MCF2L: variants seen among roughly 807,000 people sequenced by gnomAD.
MCF2L encodes guanine nucleotide exchange factor DBS.
A neutral mutation model predicts 153.4 loss-of-function variants in MCF2L; 97 were observed. The observed-to-expected ratio is 0.63, with a 90% CI of 0.54 to 0.75. MCF2L has a LOEUF of 0.75. MCF2L is among the 30% of genes least tolerant of loss of function. The pLI is 0.00. For synonymous variants in MCF2L, 659 were observed against 632.2 expected, an observed-to-expected ratio of 1.04 and a Z score of -0.64; for missense variants, 1,347 against 1,495.2, an observed-to-expected ratio of 0.90 and a Z score of 1.64.
rs555022630 is a variant in MCF2L, at chr13:112,951,491, G to A, written c.169+49120G>A. ...GGGTGAAACGTTAAATTGTACGTCC[G>A]CACCATGAACTATTGATACCTGTGA... On this transcript the variant is annotated intron_variant, in intron 2 of 29. Coordinates refer to the MCF2L transcript ENST00000375608. The surrounding 1 kb of genome is among the most constrained non-coding windows in gnomAD (Gnocchi z 4.8). Among the ~76,000 whole-genome samples the A allele has an allele frequency of 2.0e-5, 3 of 152,278 alleles. No homozygotes were observed. Among genetic ancestry groups the A allele is most frequent in the African/African-American group, 7.2e-5 (3 of 41,544 alleles).
intron 1 of MCF2L, among the ~76,000 whole-genome samples, chr13:112,899,713 G>C (rs1265553517): frequency 6.6e-6 from 1 of 152,176 alleles, no homozygotes; most frequent in Non-Finnish European, 1.5e-5. Context: ...TCAGGACCCC[G>C]GAGCTGACTG....
At chr13:112,917,069 C>A (rs557543538) in intron 2 of MCF2L, 2 of 471,100 alleles carry the variant, frequency 4.2e-6, no homozygotes, top group Non-Finnish European at 8.8e-6. Context: ...AAGGTGCTGT[C>A]GTTTCTCCTG....
At chr13:113,072,413 C>G (rs1180718461) in intron 9 of MCF2L, among the ~76,000 whole-genome samples, 3 of 152,224 alleles carry the variant, frequency 2.0e-5, no homozygotes, top group African/African-American at 7.2e-5. Flanking sequence ...CTGGACATCT[C>G]TGCTTTGTCC....
intron 8 of MCF2L, among the ~76,000 whole-genome samples, chr13:113,069,387 C>T (rs868071186): frequency 2.7e-5 from 1 of 37,630 alleles, no homozygotes; most frequent in African/African-American, 1.2e-4. Flanking sequence ...GCCAGCTACG[C>T]GGAGGCAGAG....
At chr13:113,060,968 G>A (rs1459523965) in intron 5 of MCF2L, among the ~76,000 whole-genome samples, 1 of 151,776 alleles carries the variant, frequency 6.6e-6, no homozygotes, top group African/African-American at 2.4e-5. Context: ...CCACCGTGTG[G>A]GCATCCCATC....
chr13:112,935,325 T>G (rs1417967102), intron 2 of MCF2L, among the ~76,000 whole-genome samples: 1 of 152,196 alleles, frequency 6.6e-6, no homozygotes, highest in Non-Finnish European at 1.5e-5. Context: ...TGGCACGATC[T>G]CAGCTCACTG....
intron 17 of MCF2L, 41 bp from the exon 18 acceptor site, chr13:113,083,957 C>A: frequency 6.9e-7 from 1 of 1,441,820 alleles, no homozygotes; most frequent in Non-Finnish European, 9.8e-7. Context: ...CCACGTGACT[C>A]GGCCTGTCTT....
chr13:112,997,706 G>A (rs566435436), intron 1 of MCF2L, among the ~76,000 whole-genome samples: 12 of 152,308 alleles, frequency 7.9e-5, no homozygotes, highest in African/African-American at 1.9e-4. Context: ...CCCCACCCTC[G>A]TCCGTCACAC....
chr13:113,048,947 AG>A (rs1352768232), intron 4 of MCF2L, among the ~76,000 whole-genome samples: 5 of 152,104 alleles, frequency 3.3e-5, no homozygotes. Flanking sequence ...AGCCATGGGG[AG>A]GGGGCAGAGT....
chr13:112,916,546 C>T (rs1202105529), intron 2 of MCF2L, among the ~76,000 whole-genome samples: 3 of 152,192 alleles, frequency 2.0e-5, no homozygotes, highest in Admixed American at 6.5e-5. Flanking sequence ...CCTGACCCCT[C>T]GGCTCCCGTG....
intron 3 of MCF2L, among the ~76,000 whole-genome samples, chr13:113,041,209 G>T (rs977794650): frequency 6.6e-6 from 1 of 152,150 alleles, no homozygotes; most frequent in Admixed American, 6.5e-5. Flanking sequence ...CATCCCTCTG[G>T]TGACTCTGGG....
intron 2 of MCF2L, among the ~76,000 whole-genome samples, chr13:112,913,205 C>A (rs2081253883): frequency 7.0e-6 from 1 of 142,330 alleles, no homozygotes. Context: ...TCTGGTGTAT[C>A]TCTGTATGTA....
Position 113,033,431 on chromosome 13 carries a change from A to ACC in MCF2L, c.278+8673_278+8674insCC, listed in dbSNP as rs1566773802. The stretch of plus-strand genomic sequence containing the variant: ...CCCCGTGGCGTGAGTGGCCCCCATG[A>ACC]TGTGAGTGGCCCCCGTGATGTGAGT... On this transcript the variant is annotated intron_variant, in intron 3 of 29. Coordinates refer to ENST00000535094, the MANE Select transcript of MCF2L (RefSeq NM_001112732.3). Among the ~76,000 whole-genome samples, 3 of 64,764 alleles carry ACC rather than the reference A, an allele frequency of 4.6e-5. 1 individual carries two copies. Among genetic ancestry groups the ACC allele is most frequent in the Non-Finnish European group, 9.2e-5 (3 of 32,744 alleles). The allele number at this position is 64,764 out of a possible 152,430, so 42.5% of individuals were successfully genotyped here.
chr13:113,096,272 G>A (rs12855893), intron 27 of MCF2L, 99 bp from the exon 28 acceptor site: 293,140 of 918,378 alleles, frequency 0.32, 50,901 homozygotes, highest in Non-Finnish European at 0.36. Flanking sequence ...AGCTCCCACC[G>A]GGGCAGGGCG....
At chr13:113,087,675 A>G in intron 22 of MCF2L, 32 bp from the exon 23 acceptor site, 1 of 1,548,288 alleles carries the variant, frequency 6.5e-7, no homozygotes, top group Non-Finnish European at 8.9e-7. Context: ...TTCACTGTGC[A>G]CGCGAACCCC....
Position 112,907,132 on chromosome 13 carries a change from G to C in MCF2L, c.169+4761G>C, listed in dbSNP as rs775121103. On this transcript the variant is annotated intron_variant, in intron 2 of 29. Transcript: ENST00000375608. This position sits in a 1 kb window ranked among gnomAD's most constrained non-coding sequence, Gnocchi z 5.1. ...TGCTTTATGGTAGGAGATTACACAG[G>C]ATTCTGAGGGGGGACCTTGTCTCCA... 6.6e-6 allele frequency among the ~76,000 whole-genome samples: 1 copy of C among 152,116 alleles called. No homozygotes were observed. The highest frequency in any genetic ancestry group is 2.4e-5 in the African/African-American group (1 of 41,422).
At chr13:112,912,448 C>G (rs1231039573) in intron 2 of MCF2L, among the ~76,000 whole-genome samples, 1 of 152,102 alleles carries the variant, frequency 6.6e-6, no homozygotes, top group Non-Finnish European at 1.5e-5. Context: ...TCTCAAGTAG[C>G]TGGGATTACA....
Position 113,070,334 on chromosome 13 carries a change from T to G in MCF2L, c.996+161T>G. The G allele has an allele frequency of 4.0e-6, 2 of 497,168 alleles. No individual in the cohort carries two copies. The highest frequency in any genetic ancestry group is 3.5e-6 in the Non-Finnish European group (1 of 285,560). 30.8% of individuals were successfully genotyped at this position (497,168 alleles called of 1,614,324 possible). A position where few individuals can be genotyped will look rare whatever the true frequency, so the allele number is the denominator to read the frequency against. On this transcript the variant is annotated intron_variant, in intron 9 of 29. Coordinates refer to ENST00000535094, the MANE Select transcript of MCF2L (RefSeq NM_001112732.3). The surrounding 1 kb of genome is among the most constrained non-coding windows in gnomAD (Gnocchi z 5.6). ...GCCAGGTGGAGCCTGTGAGATTAAG[T>G]CAGGCTGAGCCTTGAAATGCACGAT...
chr13:112,916,933 C>G (rs1199135773), intron 2 of MCF2L, among the ~76,000 whole-genome samples: 1 of 152,170 alleles, frequency 6.6e-6, no homozygotes, highest in Non-Finnish European at 1.5e-5. Context: ...TGCCTTCCTG[C>G]CGGACCTCTG....
Sources: gnomAD v4.1 joint callset for allele counts (sites outside exome capture counted in the v4.1 genomes callset) on GRCh38, gnomAD v4.1.1 for gene constraint, Gnocchi (gnomAD v3.1) non-coding constraint, MANE v1.5 for transcripts, NCBI Gene and HGNC (gene_info 2026-07-23, HGNC 2026-07-21) for gene names.